The following NHS variants were observed in gnomAD, a reference collection of about 807,000 sequenced individuals.
The protein encoded by NHS is NHS actin remodeling regulator.
NHS carries 5 observed loss-of-function variants against 72.5 expected under a neutral mutation model. The ratio of observed to expected loss-of-function variants is 0.07; its 90% CI spans 0.04 to 0.14. The LOEUF (loss-of-function observed/expected upper bound fraction) is 0.14, where lower values mean the gene tolerates loss of function less well. NHS is among the 10% of genes least tolerant of loss of function. The probability of loss-of-function intolerance (pLI) is 1.00; values close to 1 mark genes in which losing one functional copy is unlikely to be tolerated. For synonymous variants in NHS, 464 were observed against 547.7 expected (o/e 0.85, Z 2.13); for missense variants, 1,072 against 1,355.7 (o/e 0.79, Z 3.29).
chrX:17,498,553 C>T (rs937239481), intron 1 of NHS, among the ~76,000 whole-genome samples: 4 of 111,576 alleles, frequency 3.6e-5, no homozygotes, highest in Non-Finnish European at 5.7e-5. Context: ...CATTTCGTGG[C>T]GTGATGTGGT....
At chrX:17,555,141 T>A (rs964653620) in intron 1 of NHS, among the ~76,000 whole-genome samples, 12 of 110,815 alleles carry the variant, frequency 1.1e-4, no homozygotes, top group Admixed American at 3.9e-4. Context: ...GTTAGAAGAA[T>A]CTTCCTTTCA....
chrX:17,418,843 G>A lies in NHS; in HGVS notation c.565+42521G>A, dbSNP rs777642565. Among the ~76,000 whole-genome samples, 9 of 111,502 alleles carry A rather than the reference G, an allele frequency of 8.1e-5. No homozygotes were observed. The South Asian group carries it at 1.9e-3, about 23-fold the overall frequency. ...GAATGAATAAGGAAAACTAAGGGACGGAGGAAAAGAAGAAGGAAAAGAAAG... is the reference window on the plus strand; with the variant it reads ...GAATGAATAAGGAAAACTAAGGGACAGAGGAAAAGAAGAAGGAAAAGAAAG... On this transcript the variant is annotated intron_variant, in intron 1 of 8. Coordinates refer to ENST00000676302, the MANE Select transcript of NHS (RefSeq NM_001291867.2).
intron 1 of NHS, among the ~76,000 whole-genome samples, chrX:17,530,281 T>C (rs1280851559): frequency 9.0e-6 from 1 of 111,725 alleles, no homozygotes; most frequent in Non-Finnish European, 1.9e-5. Context: ...ATTAGGTTTT[T>C]CAGCCCTGCC....
intron 1 of NHS, among the ~76,000 whole-genome samples, chrX:17,564,551 A>T (rs751796774): frequency 1.2e-4 from 13 of 112,185 alleles, no homozygotes; most frequent in Non-Finnish European, 2.4e-4. Context: ...AAATGGAATG[A>T]TTCTGTGTGT....
intron 1 of NHS, among the ~76,000 whole-genome samples, chrX:17,480,218 A>G (rs1312327245): frequency 8.9e-6 from 1 of 111,952 alleles, no homozygotes; most frequent in African/African-American, 3.2e-5. Context: ...AATAATTTAT[A>G]GATTCAATGC....
intron 1 of NHS, among the ~76,000 whole-genome samples, chrX:17,608,416 T>A (rs2065692763): frequency 8.9e-6 from 1 of 112,065 alleles, no homozygotes; most frequent in Non-Finnish European, 1.9e-5. Flanking sequence ...TCCAGGTAGC[T>A]AAGTAAAACA....
intron 1 of NHS, among the ~76,000 whole-genome samples, chrX:17,543,910 A>G (rs2065277020): frequency 8.9e-6 from 1 of 112,151 alleles, no homozygotes; most frequent in African/African-American, 3.2e-5. Flanking sequence ...AATGAAGATA[A>G]AGAGATGGAG....
In NHS at chrX:17,506,527, T is replaced by TAATAAATA. The variant is rs61214947; in HGVS notation, c.565+130239_565+130246dup. 4.9e-3 allele frequency among the ~76,000 whole-genome samples: 486 copies of TAATAAATA among 98,192 alleles called. 6 individuals carry two copies. Among genetic ancestry groups the TAATAAATA allele is most frequent in the African/African-American group, 0.015 (372 of 25,636 alleles). 85.3% of individuals were successfully genotyped at this position (98,192 alleles called of 115,157 possible). ...GCCTGGGCGATAGAGTGAGACTCTG[T>TAATAAATA]AATAAATAAATAAATAAATAAATAA... On this transcript the variant is annotated intron_variant, in intron 1 of 8. Coordinates refer to ENST00000676302, the MANE Select transcript of NHS (RefSeq NM_001291867.2).
At chrX:17,441,113 A>G (rs761805940) in intron 1 of NHS, among the ~76,000 whole-genome samples, 23 of 111,609 alleles carry the variant, frequency 2.1e-4, no homozygotes, top group African/African-American at 6.8e-4. Flanking sequence ...ATTCTTTTCC[A>G]CTCTGCATTG....
At chrX:17,640,230 C>G (rs2065874154) in intron 1 of NHS, among the ~76,000 whole-genome samples, 1 of 111,775 alleles carries the variant, frequency 8.9e-6, no homozygotes, top group Non-Finnish European at 1.9e-5. Context: ...CTCTGAAGCC[C>G]ACCCTGTACT....
chrX:17,386,733 T>C (rs189718710), intron 1 of NHS, among the ~76,000 whole-genome samples: 92 of 110,605 alleles, frequency 8.3e-4, no homozygotes, highest in African/African-American at 2.7e-3. Flanking sequence ...TTTTAACCAT[T>C]GCATGACACT....
intron 1 of NHS, among the ~76,000 whole-genome samples, chrX:17,655,130 T>C (rs1783187234): frequency 8.9e-6 from 1 of 112,194 alleles, no homozygotes. Flanking sequence ...AGTCCTGTTA[T>C]ATGCGGGCAC....
rs146809937 is a variant in NHS, at chrX:17,501,068, G to A, written c.565+124746G>A. 2.3e-3 allele frequency among the ~76,000 whole-genome samples: 259 copies of A among 111,415 alleles called. 2 individuals carry two copies. Among genetic ancestry groups the A allele is most frequent in the African/African-American group, 7.5e-3 (230 of 30,626 alleles). On this transcript the variant is annotated intron_variant, in intron 1 of 8. Coordinates refer to ENST00000676302, the MANE Select transcript of NHS (RefSeq NM_001291867.2). The stretch of plus-strand genomic sequence containing the variant: ...GACCAGAGCTAATAGCCCTTCTTGA[G>A]GAGATCAAGAAAGGGATCAGGCCAG...
At chrX:17,492,696 T>G (rs1360448147) in intron 1 of NHS, among the ~76,000 whole-genome samples, 1 of 111,766 alleles carries the variant, frequency 8.9e-6, no homozygotes, top group African/African-American at 3.3e-5. Context: ...CCTTGTTAAT[T>G]TTCTGTCTCG....
chrX:17,724,540 G>A, intron 6 of NHS, 110 bp downstream of exon 6: 2 of 1,042,681 alleles, frequency 1.9e-6, no homozygotes, highest in East Asian at 3.2e-5. Flanking sequence ...GTTTTAAAAT[G>A]GTGTCTATTT....
intron 3 of NHS, 143 bp downstream of exon 3, chrX:17,692,611 C>T: frequency 1.3e-6 from 1 of 766,447 alleles, no homozygotes; most frequent in East Asian, 3.4e-5. Context: ...AAATTAATTT[C>T]CCTTCCTTTC....
chrX:17,626,512 G>C (rs992843495), intron 1 of NHS, among the ~76,000 whole-genome samples: 3 of 111,976 alleles, frequency 2.7e-5, no homozygotes, highest in Admixed American at 9.5e-5. Flanking sequence ...TTTCTGGTTG[G>C]ACATGGCAGA....
chrX:17,607,687 C>G (rs1171885504), intron 1 of NHS, among the ~76,000 whole-genome samples: 1 of 111,294 alleles, frequency 9.0e-6, no homozygotes, highest in Admixed American at 9.5e-5. Flanking sequence ...GTGAGCCACA[C>G]TCAATCAAGT....
At chrX:17,681,822 T>G (rs750368337) in intron 1 of NHS, among the ~76,000 whole-genome samples, 1 of 112,024 alleles carries the variant, frequency 8.9e-6, no homozygotes, top group South Asian at 3.7e-4. Flanking sequence ...CCTTTTAGCG[T>G]ACAAATAAAC....
Sources: allele counts gnomAD v4.1 joint callset (sites outside exome capture counted in the v4.1 genomes callset), GRCh38; gene constraint gnomAD v4.1.1; transcripts MANE v1.5; gene names NCBI Gene and HGNC (gene_info 2026-07-23, HGNC 2026-07-21).